SUMF1: variants seen among roughly 807,000 people sequenced by gnomAD.
The protein encoded by SUMF1 is sulfatase modifying factor 1, also known as formylglycine-generating enzyme.
SUMF1 carries 48 observed loss-of-function variants against 47.6 expected under a neutral mutation model. The ratio of observed to expected loss-of-function variants is 1.01; its 90% CI spans 0.80 to 1.28. The LOEUF (loss-of-function observed/expected upper bound fraction) is 1.28, where lower values mean the gene tolerates loss of function less well. Ranked by LOEUF, SUMF1 falls within the 50% of genes most tolerant of loss-of-function variation. The probability of loss-of-function intolerance (pLI) is 0.00; values close to 1 mark genes in which losing one functional copy is unlikely to be tolerated. For missense variants in SUMF1, 571 were observed against 485.4 expected (o/e 1.18, Z -1.66); for synonymous variants, 230 against 192.1 (o/e 1.20, Z -1.63).
intron 6 of SUMF1, among the ~76,000 whole-genome samples, chr3:4,412,851 T>TGCAC (rs1210872835): frequency 3.3e-5 from 5 of 151,994 alleles, no homozygotes; most frequent in African/African-American, 1.2e-4. Flanking sequence ...ATGGCACCAC[T>TGCAC]GCACTCCAGG....
At chr3:4,414,252 G>T (rs1701635432) in intron 6 of SUMF1, among the ~76,000 whole-genome samples, 1 of 152,172 alleles carries the variant, frequency 6.6e-6, no homozygotes, top group Non-Finnish European at 1.5e-5. Flanking sequence ...AATCACTTGA[G>T]CCCAGGAGGC....
chr3:4,081,574 C>A lies in SUMF1; in HGVS notation c.1015-12829G>T, dbSNP rs2125045438. Reference sequence around the variant, plus strand: ...TGGTTTAGAAAAAAAGGCTCCACAGCTGGGCTGTATGGGCTCAAAGAGTAC... The same window carrying A: ...TGGTTTAGAAAAAAAGGCTCCACAGATGGGCTGTATGGGCTCAAAGAGTAC... On this transcript the variant is annotated intron_variant and NMD_transcript_variant, in intron 8 of 12. Transcript: ENST00000448413. 1.3e-5 allele frequency among the ~76,000 whole-genome samples: 2 copies of A among 152,282 alleles called. 1 individual carries two copies. Among genetic ancestry groups the A allele is most frequent in the South Asian group, 4.1e-4 (2 of 4,824 alleles).
At chr3:4,339,644 AG>A (rs1699228190) in intron 8 of SUMF1, among the ~76,000 whole-genome samples, 1 of 152,170 alleles carries the variant, frequency 6.6e-6, no homozygotes, top group Non-Finnish European at 1.5e-5. Context: ...GGTCTTGGGT[AG>A]GAAGGCTGAT....
chr3:4,267,040 C>T (rs1225702962), intron 8 of SUMF1, among the ~76,000 whole-genome samples: 48 of 151,314 alleles, frequency 3.2e-4, no homozygotes, highest in Non-Finnish European at 5.6e-4. Flanking sequence ...TTGATTTGTG[C>T]ATATTGAACC....
At chr3:4,099,772 C>A (rs947900792) in intron 8 of SUMF1, among the ~76,000 whole-genome samples, 1 of 151,742 alleles carries the variant, frequency 6.6e-6, no homozygotes, top group Non-Finnish European at 1.5e-5. Context: ...GGATACAAAA[C>A]CAACATGCAA....
At chr3:4,223,180 C>G (rs1559584106) in intron 8 of SUMF1, among the ~76,000 whole-genome samples, 1 of 152,126 alleles carries the variant, frequency 6.6e-6, no homozygotes, top group Non-Finnish European at 1.5e-5. Flanking sequence ...GGACAGATTT[C>G]TGGGACTGCT....
At chr3:4,387,110 A>C (rs1218056650) in intron 7 of SUMF1, among the ~76,000 whole-genome samples, 4 of 151,828 alleles carry the variant, frequency 2.6e-5, no homozygotes, top group Non-Finnish European at 5.9e-5. Flanking sequence ...CTAGCTTCGT[A>C]AAATGATTAG....
At chr3:4,248,357 A>T (rs1696716202) in intron 8 of SUMF1, among the ~76,000 whole-genome samples, 2 of 152,230 alleles carry the variant, frequency 1.3e-5, no homozygotes, top group African/African-American at 4.8e-5. Context: ...GAATTCCAGA[A>T]GCTTTGCTGT....
chr3:4,077,487 C>G (rs555037978), intron 8 of SUMF1, among the ~76,000 whole-genome samples: 5 of 152,148 alleles, frequency 3.3e-5, no homozygotes, highest in Admixed American at 6.5e-5. Flanking sequence ...TGAAAAAGAA[C>G]AAGTTCATGT....
intron 8 of SUMF1, among the ~76,000 whole-genome samples, chr3:4,280,459 A>C (rs1479844948): frequency 6.6e-6 from 1 of 152,078 alleles, no homozygotes; most frequent in Non-Finnish European, 1.5e-5. Flanking sequence ...CCTTGACTTA[A>C]AATTTTTTTT....
At chr3:4,166,774 C>G (rs750214148) in intron 8 of SUMF1, among the ~76,000 whole-genome samples, 2 of 151,982 alleles carry the variant, frequency 1.3e-5, no homozygotes, top group East Asian at 3.9e-4. Context: ...TTTCGGGACC[C>G]GAGAGCTGAA....
Position 4,449,257 on chromosome 3 carries a change from ATTAC to A in SUMF1, c.519+5_519+8del, listed in dbSNP as rs775324176. 6.2e-6 allele frequency: 10 copies of A among 1,614,038 alleles called. No individual in the cohort carries two copies. The highest frequency in any genetic ancestry group is 6.8e-6 in the Non-Finnish European group (8 of 1,179,998). Reference sequence around the variant, plus strand: ...GAGAAATACAGGAGCCTGTTGAAACATTACTTACTGCCTGTTGAATATTGGTCTT... The same window carrying A: ...GAGAAATACAGGAGCCTGTTGAAACATTACTGCCTGTTGAATATTGGTCTT... On this transcript the variant is annotated splice_donor_5th_base_variant and intron_variant, in intron 3 of 8. Transcript: ENST00000272902.
chr3:4,194,495 C>T (rs540897499), intron 8 of SUMF1, among the ~76,000 whole-genome samples: 3 of 152,222 alleles, frequency 2.0e-5, no homozygotes, highest in Admixed American at 1.3e-4. Flanking sequence ...AAAAGCCCAC[C>T]GTCTGCCACA....
At chr3:4,162,936 G>A (rs1297918781) in intron 8 of SUMF1, among the ~76,000 whole-genome samples, 4 of 151,506 alleles carry the variant, frequency 2.6e-5, no homozygotes, top group African/African-American at 9.7e-5. Context: ...AGTAATGAAA[G>A]AAAAATGAAA....
intron 9 of SUMF1, among the ~76,000 whole-genome samples, chr3:4,055,370 CTATT>C (rs1289717082): frequency 6.6e-6 from 1 of 152,110 alleles, no homozygotes; most frequent in Non-Finnish European, 1.5e-5. Flanking sequence ...TATAATAGCT[CTATT>C]TATTTACATA....
intron 8 of SUMF1, among the ~76,000 whole-genome samples, chr3:4,231,805 C>T (rs1242810): frequency 0.7 from 106,519 of 151,944 alleles, 38,889 homozygotes; most frequent in African/African-American, 0.92. Context: ...CATGGGTATC[C>T]GGAAAACAAA....
At chr3:4,450,117 A>T (rs1176862097) in intron 2 of SUMF1, among the ~76,000 whole-genome samples, 2 of 152,174 alleles carry the variant, frequency 1.3e-5, no homozygotes, top group Non-Finnish European at 2.9e-5. Context: ...GCTGGTTAAA[A>T]CTACATATTG....
intron 8 of SUMF1, among the ~76,000 whole-genome samples, chr3:4,335,959 T>TAAAAAAAAAAAAAAAAAAAAAAAAAA (rs1559230744): frequency 2.9e-4 from 2 of 6,804 alleles, no homozygotes; most frequent in African/African-American, 3.0e-3. Flanking sequence ...AGATTCCAAC[T>TAAAAAAAAAAAAAAAAAAAAAAAAAA]CAAAAAAAAA....
chr3:4,251,344 T>G (rs879778090), intron 8 of SUMF1, among the ~76,000 whole-genome samples: 1 of 152,172 alleles, frequency 6.6e-6, no homozygotes, highest in Non-Finnish European at 1.5e-5. Context: ...TATGGATGAG[T>G]GAAGAAAGTG....
Sources: gnomAD v4.1 joint callset for allele counts (sites outside exome capture counted in the v4.1 genomes callset) on GRCh38, gnomAD v4.1.1 for gene constraint, MANE v1.5 for transcripts, NCBI Gene and HGNC (gene_info 2026-07-23, HGNC 2026-07-21) for gene names.